Variants in SCFD1 observed in about 807,000 individuals in gnomAD.
SCFD1 encodes sec1 family domain containing 1.
SCFD1 carries 37 observed loss-of-function variants against 103.2 expected under a neutral mutation model. The ratio of observed to expected loss-of-function variants is 0.36; its 90% CI spans 0.28 to 0.47. The LOEUF is 0.47. Ranked by LOEUF, SCFD1 falls within the 20% of genes least tolerant of loss-of-function variation. The pLI is 1.00. For missense variants in SCFD1, 639 were observed against 761.2 expected (o/e 0.84, Z 1.89); for synonymous variants, 264 against 245.0 (o/e 1.08, Z -0.73).
intron 10 of SCFD1, among the ~76,000 whole-genome samples, chr14:30,669,563 C>G (rs1188682665): frequency 6.6e-6 from 1 of 150,810 alleles, no homozygotes; most frequent in East Asian, 2.0e-4. Context: ...GTTTTTTTTA[C>G]AGAAAAGGTA....
chr14:30,681,938 A>C (rs1594689771), intron 14 of SCFD1, among the ~76,000 whole-genome samples: 1 of 152,192 alleles, frequency 6.6e-6, no homozygotes, highest in Non-Finnish European at 1.5e-5. Flanking sequence ...CAAGGTAGCC[A>C]AGTCTATCGC....
At chr14:30,644,357 G>T (rs190273450) in intron 7 of SCFD1, among the ~76,000 whole-genome samples, 1 of 152,260 alleles carries the variant, frequency 6.6e-6, no homozygotes, top group East Asian at 1.9e-4. Context: ...TCTTTTGGCT[G>T]TATACCCAGT....
chr14:30,703,937 ATATATATATATATATATATATATATAAAT>A (rs1566645821), intron 17 of SCFD1, among the ~76,000 whole-genome samples: 10 of 63,230 alleles, frequency 1.6e-4, no homozygotes, highest in African/African-American at 5.6e-4. Context: ...ATATATATAT[ATATATATATATATATATATATATATAAAT>A]AATGAGATAT....
intron 11 of SCFD1, among the ~76,000 whole-genome samples, chr14:30,671,934 A>T (rs1478240082): frequency 2.6e-5 from 4 of 152,050 alleles, no homozygotes; most frequent in African/African-American, 9.6e-5. Context: ...CAACAGATTC[A>T]TCAGGATTAA....
intron 7 of SCFD1, chr14:30,644,138 A>T: frequency 5.9e-6 from 2 of 337,222 alleles, no homozygotes; most frequent in African/African-American, 2.2e-5. Context: ...TAGAATAATG[A>T]CCTCCAGCTA....
intron 15 of SCFD1, among the ~76,000 whole-genome samples, chr14:30,695,498 A>G (rs975662783): frequency 1.3e-5 from 2 of 152,124 alleles, no homozygotes; most frequent in Non-Finnish European, 2.9e-5. Context: ...AGAGGCCAGG[A>G]AAGGGAGAGA....
chr14:30,722,828 TA>T (rs901238037), intron 23 of SCFD1: 22 of 239,548 alleles, frequency 9.2e-5, no homozygotes, highest in African/African-American at 4.8e-4. Flanking sequence ...CTCAAATGCT[TA>T]GAGACCTCTT....
intron 1 of SCFD1, among the ~76,000 whole-genome samples, chr14:30,626,642 G>A (rs538374409): frequency 1.3e-5 from 2 of 152,254 alleles, no homozygotes; most frequent in Admixed American, 1.3e-4. Flanking sequence ...CATTGCCACT[G>A]AGTATACAGT....
At chr14:30,723,196 T>C (rs992979941) in intron 23 of SCFD1, among the ~76,000 whole-genome samples, 1 of 152,192 alleles carries the variant, frequency 6.6e-6, no homozygotes, top group African/African-American at 2.4e-5. Flanking sequence ...TTATGTCATG[T>C]ATGGCCCTAA....
At chr14:30,708,486 T>A (rs538489162) in intron 19 of SCFD1, among the ~76,000 whole-genome samples, 1 of 152,048 alleles carries the variant, frequency 6.6e-6, no homozygotes, top group Non-Finnish European at 1.5e-5. Flanking sequence ...TCTGAGGGTA[T>A]TTTTTACATG....
At chr14:30,714,818 A>T (rs969775837) in intron 19 of SCFD1, among the ~76,000 whole-genome samples, 1 of 152,248 alleles carries the variant, frequency 6.6e-6, no homozygotes, top group Non-Finnish European at 1.5e-5. Context: ...ATCCTGTACA[A>T]TTCACAAAGG....
chr14:30,682,171 A>G (rs929228071), intron 14 of SCFD1, among the ~76,000 whole-genome samples: 1 of 152,332 alleles, frequency 6.6e-6, no homozygotes, highest in Non-Finnish European at 1.5e-5. Context: ...ATGTTTGGAA[A>G]TGAAATAACC....
At chr14:30,727,995 T>C (rs763552297) in intron 23 of SCFD1, among the ~76,000 whole-genome samples, 2 of 152,236 alleles carry the variant, frequency 1.3e-5, no homozygotes, top group African/African-American at 2.4e-5. Context: ...ATTATCTTCA[T>C]GTCATGTTTG....
intron 7 of SCFD1, among the ~76,000 whole-genome samples, chr14:30,646,994 C>T (rs748014761): frequency 4.6e-5 from 7 of 152,044 alleles, no homozygotes; most frequent in South Asian, 2.1e-4. Flanking sequence ...TTATTTGGAT[C>T]GTCTCTTTTT....
chr14:30,670,491 A>G, intron 11 of SCFD1, 96 bp downstream of exon 11: 5 of 846,972 alleles, frequency 5.9e-6, no homozygotes. Context: ...AGGGTCATGT[A>G]GGTTCGTTCA....
At chr14:30,662,708 G>A (rs1463676250) in intron 10 of SCFD1, among the ~76,000 whole-genome samples, 1 of 152,020 alleles carries the variant, frequency 6.6e-6, no homozygotes, top group Non-Finnish European at 1.5e-5. Context: ...CCTTTTCTTT[G>A]CCTGTGAACT....
chr14:30,703,939 ATATATATATATATATATATATATAAAT>A lies in SCFD1; in HGVS notation c.1490+1565_1490+1591del, dbSNP rs1566645852. ...TATATATATATATATATATATATAT[ATATATATATATATATATATATATAAAT>A]AATGAGATATCTTGGGGATGGGACC... is the stretch of plus-strand genomic sequence containing the variant. On this transcript the variant is annotated intron_variant, in intron 17 of 24. Transcript: ENST00000458591. Among the ~76,000 whole-genome samples the A allele has an allele frequency of 9.1e-4, 57 of 62,492 alleles. 3 individuals carry two copies. The highest frequency in any genetic ancestry group is 2.6e-3 in the South Asian group (5 of 1,928). 41.0% of individuals were successfully genotyped at this position (62,492 alleles called of 152,430 possible).
At chr14:30,633,744 T>C (rs1368832219) in intron 3 of SCFD1, among the ~76,000 whole-genome samples, 1 of 152,160 alleles carries the variant, frequency 6.6e-6, no homozygotes, top group Admixed American at 6.5e-5. Context: ...AAATGAAGAC[T>C]AACAAGAAAT....
intron 23 of SCFD1, among the ~76,000 whole-genome samples, chr14:30,724,257 T>G (rs567785622): frequency 1.5e-5 from 2 of 135,474 alleles, no homozygotes; most frequent in African/African-American, 2.8e-5. Flanking sequence ...TTTTTTTTTT[T>G]TTTTTTTTTT....
Sources: allele counts gnomAD v4.1 joint callset (sites outside exome capture counted in the v4.1 genomes callset), GRCh38; gene constraint gnomAD v4.1.1; transcripts MANE v1.5; gene names NCBI Gene and HGNC (gene_info 2026-07-23, HGNC 2026-07-21).